RBFOX3: variants seen among roughly 807,000 people sequenced by gnomAD.
The protein encoded by RBFOX3 is RNA binding fox-1 homolog 3.
RBFOX3 carries 17 observed loss-of-function variants against 48.7 expected under a neutral mutation model. That is an observed-to-expected ratio of 0.35 (90% CI 0.24 to 0.52). RBFOX3 has a LOEUF of 0.52. RBFOX3 is among the 20% of genes least tolerant of loss of function. The pLI, the probability that RBFOX3 is intolerant of heterozygous loss-of-function variation, is 0.94. For missense variants in RBFOX3, 382 were observed against 497.5 expected, an observed-to-expected ratio of 0.77 and a Z score of 2.21; for synonymous variants, 212 against 209.5, an observed-to-expected ratio of 1.01 and a Z score of -0.10.
chr17:79,426,016 G>C (rs1167259253), intron 2 of RBFOX3, among the ~76,000 whole-genome samples: 1 of 152,114 alleles, frequency 6.6e-6, no homozygotes, highest in Non-Finnish European at 1.5e-5. Context: ...GTGTGGAGGG[G>C]GAGAGAGCAA....
chr17:79,611,251 A>T (rs1204946266), upstream of RBFOX3, among the ~76,000 whole-genome samples: 3 of 143,122 alleles, frequency 2.1e-5, no homozygotes, highest in East Asian at 6.5e-4. Context: ...AGGCGGCAGC[A>T]GGAGCACGCG....
At chr17:79,593,555 T>C (rs2093482589) in intron 1 of RBFOX3, among the ~76,000 whole-genome samples, 2 of 152,198 alleles carry the variant, frequency 1.3e-5, no homozygotes, top group South Asian at 4.1e-4. Flanking sequence ...GGGGCAGAGA[T>C]CTGGGAACAC....
At chr17:79,291,437 A>C (rs1353451175) in intron 3 of RBFOX3, among the ~76,000 whole-genome samples, 2 of 152,222 alleles carry the variant, frequency 1.3e-5, no homozygotes, top group Non-Finnish European at 2.9e-5. Context: ...CATTAAATAC[A>C]GTAGGAATCT....
chr17:79,114,151 G>A (rs1599489846), intron 5 of RBFOX3, among the ~76,000 whole-genome samples: 1 of 152,208 alleles, frequency 6.6e-6, no homozygotes, highest in East Asian at 1.9e-4. Flanking sequence ...CTGCTCTAGC[G>A]TGACTTGTTT....
chr17:79,637,049 T>G, the RBFOX3 span, among the ~76,000 whole-genome samples: 2 of 152,184 alleles, frequency 1.3e-5, no homozygotes, highest in African/African-American at 4.8e-5. Context: ...AAAACTGTTA[T>G]AAGAGAAAAA....
chr17:79,505,837 G>A (rs2083036883), intron 1 of RBFOX3, among the ~76,000 whole-genome samples: 1 of 152,202 alleles, frequency 6.6e-6, no homozygotes, highest in Non-Finnish European at 1.5e-5. Context: ...TAAACACTAG[G>A]CACGATGCTG....
At chr17:79,514,503 C>G (rs988949604) in intron 1 of RBFOX3, among the ~76,000 whole-genome samples, 1 of 152,240 alleles carries the variant, frequency 6.6e-6, no homozygotes, top group Non-Finnish European at 1.5e-5. Flanking sequence ...AGTCACGCCT[C>G]GTTGTTGTGA....
At chr17:79,472,376 T>C (rs1040416339) in intron 2 of RBFOX3, among the ~76,000 whole-genome samples, 3 of 152,198 alleles carry the variant, frequency 2.0e-5, no homozygotes, top group Non-Finnish European at 2.9e-5. Context: ...TCAAAATTCA[T>C]ACATTGAAGT....
At chr17:79,166,260 G>A (rs1274110802) in intron 4 of RBFOX3, among the ~76,000 whole-genome samples, 1 of 150,650 alleles carries the variant, frequency 6.6e-6, no homozygotes, top group Admixed American at 6.6e-5. Context: ...GCACCCCCCA[G>A]CGCAGCCTCC....
chr17:79,305,742 C>T (rs1242901264), intron 3 of RBFOX3, among the ~76,000 whole-genome samples: 3 of 152,220 alleles, frequency 2.0e-5, no homozygotes, highest in Non-Finnish European at 4.4e-5. Context: ...CTCCGCTGGG[C>T]CATTTTTCAG....
chr17:79,564,671 C>T (rs946551717), intron 1 of RBFOX3, among the ~76,000 whole-genome samples: 2 of 152,200 alleles, frequency 1.3e-5, no homozygotes, highest in South Asian at 2.1e-4. Context: ...CCCAAACAGC[C>T]GACAGTACAG....
intron 1 of RBFOX3, among the ~76,000 whole-genome samples, chr17:79,536,627 G>T (rs1379306879): frequency 6.8e-6 from 1 of 147,982 alleles, no homozygotes; most frequent in Non-Finnish European, 1.5e-5. Flanking sequence ...TCCCCTGAAG[G>T]AGCCGGCCAC....
At chr17:79,102,232 AGGGGCAGCCT>A in intron 8 of RBFOX3, among the ~76,000 whole-genome samples, 1 of 152,300 alleles carries the variant, frequency 6.6e-6, no homozygotes, top group South Asian at 2.1e-4. Flanking sequence ...GAGGCTGTCC[AGGGGCAGCCT>A]GGGATGGAGA....
At chr17:79,372,509 A>T (rs751924331) in intron 2 of RBFOX3, among the ~76,000 whole-genome samples, 33 of 149,772 alleles carry the variant, frequency 2.2e-4, no homozygotes, top group Non-Finnish European at 4.1e-4. Context: ...GGATGCTCCC[A>T]AGGCCAGGCC....
intron 1 of RBFOX3, among the ~76,000 whole-genome samples, chr17:79,596,530 G>A (rs1393190033): frequency 1.3e-5 from 2 of 152,158 alleles, no homozygotes; most frequent in African/African-American, 4.8e-5. Flanking sequence ...CACCCACCGT[G>A]GGCCCAGCCA....
At chr17:79,209,996 C>A (rs1340201695) in intron 4 of RBFOX3, among the ~76,000 whole-genome samples, 141 of 132,822 alleles carry the variant, frequency 1.1e-3, no homozygotes, top group South Asian at 2.2e-3. Flanking sequence ...GACTCCATCT[C>A]AAAAAAAAAA....
chr17:79,454,992 C>A (rs1692168870), intron 2 of RBFOX3, among the ~76,000 whole-genome samples: 1 of 152,208 alleles, frequency 6.6e-6, no homozygotes, highest in African/African-American at 2.4e-5. Flanking sequence ...CGACAGCATC[C>A]CCCATGGGGT....
intron 1 of RBFOX3, among the ~76,000 whole-genome samples, chr17:79,561,274 T>C (rs1461050477): frequency 1.3e-5 from 2 of 151,780 alleles, no homozygotes; most frequent in Non-Finnish European, 2.9e-5. Flanking sequence ...TCAAAGGGAG[T>C]GTCAGGGGTG....
intron 2 of RBFOX3, among the ~76,000 whole-genome samples, chr17:79,407,867 C>T (rs1159013883): frequency 1.3e-5 from 2 of 152,332 alleles, no homozygotes; most frequent in African/African-American, 4.8e-5. Context: ...AACAGAGAAT[C>T]GTTCTTTTAC....
Sources: allele counts gnomAD v4.1 joint callset (sites outside exome capture counted in the v4.1 genomes callset), GRCh38; gene constraint gnomAD v4.1.1; transcripts MANE v1.5; gene names NCBI Gene and HGNC (gene_info 2026-07-23, HGNC 2026-07-21).